EBF1: variants seen among roughly 807,000 people sequenced by gnomAD.
EBF1 encodes EBF transcription factor 1, also known as transcription factor COE1.
EBF1 carries 10 observed loss-of-function variants against 68.4 expected under a neutral mutation model. That is an observed-to-expected ratio of 0.15 (90% CI 0.09 to 0.25). The LOEUF (loss-of-function observed/expected upper bound fraction) is 0.25. EBF1 is among the 10% of genes least tolerant of loss of function. EBF1 has a pLI of 1.00. For missense variants in EBF1, 509 were observed against 794.4 expected, an observed-to-expected ratio of 0.64 and a Z score of 4.32; for synonymous variants, 298 against 299.8, an observed-to-expected ratio of 0.99 and a Z score of 0.06.
chr5:159,033,473 A>G (rs1769363947), intron 6 of EBF1, among the ~76,000 whole-genome samples: 3 of 152,210 alleles, frequency 2.0e-5, no homozygotes, highest in African/African-American at 7.2e-5. Flanking sequence ...CAATGCTTTG[A>G]GATGCTAGAG....
At chr5:158,977,119 A>G (rs1268755058) in intron 6 of EBF1, among the ~76,000 whole-genome samples, 1 of 152,208 alleles carries the variant, frequency 6.6e-6, no homozygotes, top group Non-Finnish European at 1.5e-5. Context: ...TCATGGAACC[A>G]GAGTGAACCA....
At chr5:158,961,315 A>AT (rs1818142853) in intron 6 of EBF1, among the ~76,000 whole-genome samples, 1 of 74,370 alleles carries the variant, frequency 1.3e-5, no homozygotes, top group Non-Finnish European at 2.9e-5. Context: ...ACTTTGAGGA[A>AT]TTAAGCTTAA....
intron 6 of EBF1, among the ~76,000 whole-genome samples, chr5:158,990,943 G>T (rs1018992340): frequency 1.3e-5 from 2 of 152,044 alleles, no homozygotes; most frequent in Non-Finnish European, 2.9e-5. Context: ...AACAAAAGCT[G>T]GTATATAAGA....
intron 6 of EBF1, among the ~76,000 whole-genome samples, chr5:158,972,104 T>C (rs2127564639): frequency 6.6e-6 from 1 of 152,348 alleles, no homozygotes; most frequent in East Asian, 1.9e-4. Context: ...AAAGCCAAGG[T>C]GTCCGTGCTG....
intron 6 of EBF1, among the ~76,000 whole-genome samples, chr5:158,929,955 C>T (rs1156330892): frequency 1.3e-5 from 2 of 152,188 alleles, no homozygotes; most frequent in Non-Finnish European, 2.9e-5. Flanking sequence ...CCTGTACCAG[C>T]ATCAAAGTCA....
intron 6 of EBF1, among the ~76,000 whole-genome samples, chr5:158,949,888 C>T (rs1815615143): frequency 6.6e-6 from 1 of 152,208 alleles, no homozygotes; most frequent in African/African-American, 2.4e-5. Context: ...CTCCTGGTAA[C>T]CACCGCTCCC....
chr5:159,013,722 C>A (rs565706870), intron 6 of EBF1, among the ~76,000 whole-genome samples: 8 of 152,272 alleles, frequency 5.3e-5, no homozygotes, highest in Non-Finnish European at 7.4e-5. Context: ...ACACCCCCAC[C>A]CATCCCTATC....
chr5:158,857,302 TG>T (rs1219059407), intron 6 of EBF1, among the ~76,000 whole-genome samples: 1 of 151,972 alleles, frequency 6.6e-6, no homozygotes, highest in Non-Finnish European at 1.5e-5. Context: ...TCACATGCAC[TG>T]GGACACTCCC....
At chr5:158,842,372 C>G (rs899635551) in intron 6 of EBF1, among the ~76,000 whole-genome samples, 5 of 152,198 alleles carry the variant, frequency 3.3e-5, no homozygotes, top group African/African-American at 1.2e-4. Flanking sequence ...AAACTGGCTG[C>G]TGCTTTCAAG....
intron 6 of EBF1, among the ~76,000 whole-genome samples, chr5:158,855,814 A>C (rs1793886584): frequency 6.6e-6 from 1 of 152,210 alleles, no homozygotes. Context: ...TCTGTAGCAT[A>C]ACACATGAAA....
chr5:158,751,102 G>T (rs1040885085), intron 10 of EBF1, among the ~76,000 whole-genome samples: 1 of 151,958 alleles, frequency 6.6e-6, no homozygotes, highest in Non-Finnish European at 1.5e-5. Flanking sequence ...CAAATACGAA[G>T]AAAATGTTCA....
intron 15 of EBF1, among the ~76,000 whole-genome samples, chr5:158,704,363 T>G (rs1167223031): frequency 6.6e-6 from 1 of 152,118 alleles, no homozygotes; most frequent in Non-Finnish European, 1.5e-5. Context: ...AACAGAACCA[T>G]GCACAGTTAA....
At chr5:158,775,745 A>AAT (rs111667399) in intron 10 of EBF1, among the ~76,000 whole-genome samples, 9 of 137,638 alleles carry the variant, frequency 6.5e-5, no homozygotes, top group Non-Finnish European at 1.1e-4. Flanking sequence ...AGACTTGTAA[A>AAT]ACACACACAC....
At chr5:158,818,917 A>G (rs981753301) in intron 8 of EBF1, among the ~76,000 whole-genome samples, 3 of 149,442 alleles carry the variant, frequency 2.0e-5, no homozygotes, top group African/African-American at 7.5e-5. Context: ...AAGGATGCAC[A>G]TATTCAAAAC....
chr5:158,701,892 C>T (rs1756850915), intron 15 of EBF1, among the ~76,000 whole-genome samples: 1 of 152,170 alleles, frequency 6.6e-6, no homozygotes, highest in Non-Finnish European at 1.5e-5. Context: ...TATGGAACCT[C>T]TCTTCAAAAG....
At chr5:159,057,700 G>T (rs1403516578) in intron 6 of EBF1, among the ~76,000 whole-genome samples, 1 of 152,194 alleles carries the variant, frequency 6.6e-6, no homozygotes, top group Non-Finnish European at 1.5e-5. Context: ...CTTGGCCTCA[G>T]CTTTCTCATC....
chr5:158,829,000 G>C (rs1439879845), intron 7 of EBF1, among the ~76,000 whole-genome samples: 1 of 152,216 alleles, frequency 6.6e-6, no homozygotes, highest in Non-Finnish European at 1.5e-5. Context: ...TATGAAGACA[G>C]TGAAAAGATC....
intron 6 of EBF1, among the ~76,000 whole-genome samples, chr5:159,007,145 T>C (rs748958663): frequency 6.6e-6 from 1 of 152,096 alleles, no homozygotes; most frequent in East Asian, 1.9e-4. Flanking sequence ...ACCCAGGCAA[T>C]TAGTTATAAA....
chr5:158,916,779 TA>T (rs974167014), intron 6 of EBF1, among the ~76,000 whole-genome samples: 1 of 152,204 alleles, frequency 6.6e-6, no homozygotes, highest in African/African-American at 2.4e-5. Context: ...TTACATTTTT[TA>T]TTTCCTTACT....
Sources: allele counts gnomAD v4.1 joint callset (sites outside exome capture counted in the v4.1 genomes callset), GRCh38; gene constraint gnomAD v4.1.1; transcripts MANE v1.5; gene names NCBI Gene and HGNC (gene_info 2026-07-23, HGNC 2026-07-21).